The following HMGCLL1 variants were observed in gnomAD, a reference collection of about 807,000 sequenced individuals.
The protein encoded by HMGCLL1 is 3-hydroxymethyl-3-methylglutaryl-CoA lyase, cytoplasmic.
HMGCLL1 carries 36 observed loss-of-function variants against 39.1 expected under a neutral mutation model. The ratio of observed to expected loss-of-function variants is 0.92; its 90% CI spans 0.71 to 1.22. The LOEUF (loss-of-function observed/expected upper bound fraction) is 1.22, where lower values mean the gene tolerates loss of function less well. Ranked by LOEUF, HMGCLL1 falls within the 50% of genes most tolerant of loss-of-function variation. The probability of loss-of-function intolerance (pLI) is 0.00; values close to 1 mark genes in which losing one functional copy is unlikely to be tolerated. For synonymous variants in HMGCLL1, 149 were observed against 144.0 expected (o/e 1.03, Z -0.25); for missense variants, 451 against 416.5 (o/e 1.08, Z -0.72).
intron 1 of HMGCLL1, among the ~76,000 whole-genome samples, chr6:55,556,803 A>G (rs1770701958): frequency 6.6e-6 from 1 of 152,150 alleles, no homozygotes; most frequent in African/African-American, 2.4e-5. Context: ...GGAGACGCTG[A>G]GAGTACATTA....
chr6:55,610,690 G>C, the HMGCLL1 span, among the ~76,000 whole-genome samples: 1 of 151,868 alleles, frequency 6.6e-6, no homozygotes, highest in East Asian at 1.9e-4. Flanking sequence ...GAGGACGCAA[G>C]TAAGATACTC....
the HMGCLL1 span, among the ~76,000 whole-genome samples, chr6:55,660,025 T>A: frequency 6.6e-6 from 1 of 151,884 alleles, no homozygotes; most frequent in South Asian, 2.1e-4. Flanking sequence ...CTAAAATAAA[T>A]GCCTCCTTCA....
chr6:55,578,975 T>C lies in HMGCLL1; in HGVS notation c.81A>G (p.Ser27=), dbSNP rs1341836797. ...LLREHLWIGD[S]VAGALDPAQE... Reference sequence around the variant, plus strand: ...GCGCGGGGTCGAGCGCCCCTGCCACTGAATCCCCGATCCAGAGATGCTCCC... The same window carrying C: ...GCGCGGGGTCGAGCGCCCCTGCCACCGAATCCCCGATCCAGAGATGCTCCC... The change falls in exon 1 of 9, where the codon TCA becomes TCG. Residue 27 remains serine, a synonymous_variant. Transcript: ENST00000274901. 1.9e-6 allele frequency: 3 copies of C among 1,613,470 alleles called. 1 individual carries two copies. In the Admixed American group the frequency reaches 5.0e-5, roughly 27 times the overall value.
intron 7 of HMGCLL1, among the ~76,000 whole-genome samples, chr6:55,466,759 C>A (rs1764813250): frequency 6.6e-6 from 1 of 152,076 alleles, no homozygotes. Context: ...AGGATCTGAT[C>A]TGTTTTGTCC....
chr6:55,435,484 A>G lies in HMGCLL1; in HGVS notation c.*178T>C, dbSNP rs1477653270. 1 of 390,734 alleles carries G rather than the reference A, an allele frequency of 2.6e-6. No homozygotes were observed. Among genetic ancestry groups the G allele is most frequent in the African/African-American group, 2.1e-5 (1 of 48,288 alleles). The allele number at this position is 390,734 out of a possible 1,614,324, so 24.2% of individuals were successfully genotyped here. A position where few individuals can be genotyped will look rare whatever the true frequency, so the allele number is the denominator to read the frequency against. ...TCCTCAGCTTGCAATTTACCTGATG[A>G]CTGATATTGCATTTTGTTGACTTAA... On this transcript the variant is annotated 3_prime_UTR_variant, in exon 9 of 9. Coordinates refer to ENST00000274901, the MANE Select transcript of HMGCLL1 (RefSeq NM_001042406.2).
At chr6:55,497,935 G>A (rs1405416063) in intron 6 of HMGCLL1, among the ~76,000 whole-genome samples, 1 of 152,106 alleles carries the variant, frequency 6.6e-6, no homozygotes, top group Non-Finnish European at 1.5e-5. Flanking sequence ...AGGACCAGAG[G>A]CCTGAACAGA....
intron 3 of HMGCLL1, among the ~76,000 whole-genome samples, chr6:55,525,894 T>C (rs12189728): frequency 0.58 from 87,709 of 151,694 alleles, 25,650 homozygotes; most frequent in Admixed American, 0.65. Context: ...AACAGATTTT[T>C]TTTGCTGTGC....
At chr6:55,565,591 C>CT (rs1177617111) in intron 1 of HMGCLL1, among the ~76,000 whole-genome samples, 1 of 151,984 alleles carries the variant, frequency 6.6e-6, no homozygotes, top group African/African-American at 2.4e-5. Context: ...ATCACTATAT[C>CT]TTTCCCATCA....
At chr6:55,621,776 T>G in the HMGCLL1 span, among the ~76,000 whole-genome samples, 1 of 152,220 alleles carries the variant, frequency 6.6e-6, no homozygotes, top group Non-Finnish European at 1.5e-5. Flanking sequence ...CTCACACCAG[T>G]CCATCATCGT....
chr6:55,537,162 C>G lies in HMGCLL1; in HGVS notation c.297+4567G>C, dbSNP rs190607600. Among the ~76,000 whole-genome samples, 549 of 152,140 alleles carry G rather than the reference C, an allele frequency of 3.6e-3. 2 individuals are homozygous for G. Among genetic ancestry groups the G allele is most frequent in the African/African-American group, 0.013 (537 of 41,496 alleles). On this transcript the variant is annotated intron_variant, in intron 3 of 8. Transcript: ENST00000274901. ...AAGAGAAATTTTAAAATGGTCTGCT[C>G]AGACAAGCTCCCTGAAATCTAAAAT... is the stretch of plus-strand genomic sequence containing the variant.
At chr6:55,669,068 C>T in the HMGCLL1 span, among the ~76,000 whole-genome samples, 9 of 150,512 alleles carry the variant, frequency 6.0e-5, no homozygotes, top group East Asian at 5.9e-4. Flanking sequence ...ACAACTAGAG[C>T]CTGTGGAAAC....
intron 5 of HMGCLL1, among the ~76,000 whole-genome samples, chr6:55,507,224 G>A (rs1767213109): frequency 6.6e-6 from 1 of 151,718 alleles, no homozygotes; most frequent in Non-Finnish European, 1.5e-5. Flanking sequence ...GGCTATATCT[G>A]TGGGTTAAAC....
chr6:55,484,948 G>A (rs1354571581), intron 7 of HMGCLL1, among the ~76,000 whole-genome samples: 1 of 151,886 alleles, frequency 6.6e-6, no homozygotes, highest in East Asian at 1.9e-4. Context: ...AAAGCCAAAG[G>A]ATTTACAATA....
At chr6:55,612,404 A>G in the HMGCLL1 span, among the ~76,000 whole-genome samples, 2 of 152,338 alleles carry the variant, frequency 1.3e-5, no homozygotes, top group Middle Eastern at 3.4e-3. Flanking sequence ...TGCTATTTCT[A>G]TCAAACTGCC....
chr6:55,498,151 G>A (rs748230419), intron 6 of HMGCLL1, among the ~76,000 whole-genome samples: 6 of 152,132 alleles, frequency 3.9e-5, no homozygotes, highest in Non-Finnish European at 8.8e-5. Flanking sequence ...GTGGTGCACA[G>A]CAAAAGGAAG....
chr6:55,486,236 A>C, intron 7 of HMGCLL1, among the ~76,000 whole-genome samples: 1 of 151,812 alleles, frequency 6.6e-6, no homozygotes, highest in East Asian at 1.9e-4. Context: ...ATATTTTCTA[A>C]ATATTTAAAA....
At chr6:55,524,765 T>C (rs991497423) in intron 3 of HMGCLL1, among the ~76,000 whole-genome samples, 8 of 152,026 alleles carry the variant, frequency 5.3e-5, no homozygotes, top group East Asian at 1.9e-4. Context: ...TATCTAATGA[T>C]TGTCCCTTGG....
intron 4 of HMGCLL1, among the ~76,000 whole-genome samples, chr6:55,516,188 T>C (rs1487606614): frequency 1.3e-5 from 2 of 152,064 alleles, no homozygotes; most frequent in Middle Eastern, 3.2e-3. Flanking sequence ...AAAAATTGCA[T>C]TGAAAAATGC....
At chr6:55,472,435 T>G (rs1273503271) in intron 7 of HMGCLL1, among the ~76,000 whole-genome samples, 5 of 149,870 alleles carry the variant, frequency 3.3e-5, no homozygotes, top group African/African-American at 1.2e-4. Flanking sequence ...GCAGTGTCTC[T>G]TCAAGTTATT....
Sources: allele counts gnomAD v4.1 joint callset (sites outside exome capture counted in the v4.1 genomes callset), GRCh38; gene constraint gnomAD v4.1.1; transcripts MANE v1.5; gene names NCBI Gene and HGNC (gene_info 2026-07-23, HGNC 2026-07-21).